The following LDB2 variants were observed in gnomAD, a reference collection of about 807,000 sequenced individuals.
LDB2 encodes LIM domain binding 2, also known as LIM domain-binding protein 2.
LDB2 carries 12 observed loss-of-function variants against 44.3 expected under a neutral mutation model. That is an observed-to-expected ratio of 0.27 (90% CI 0.17 to 0.44). The LOEUF is 0.44. Among genes scored for constraint, LDB2 ranks in the 20% least tolerant of loss-of-function variants. The probability of loss-of-function intolerance (pLI) is 1.00; values close to 1 mark genes in which losing one functional copy is unlikely to be tolerated. For synonymous variants in LDB2, 164 were observed against 174.8 expected, an observed-to-expected ratio of 0.94 and a Z score of 0.49; for missense variants, 344 against 473.5, an observed-to-expected ratio of 0.73 and a Z score of 2.54.
At chr4:16,722,431 A>T (rs1276823842) in intron 2 of LDB2, among the ~76,000 whole-genome samples, 3 of 152,076 alleles carry the variant, frequency 2.0e-5, no homozygotes, top group African/African-American at 7.2e-5. Flanking sequence ...ACCTCTCAGG[A>T]CCCTTTAGCT....
At chr4:16,886,069 A>C (rs1269292895) in intron 1 of LDB2, among the ~76,000 whole-genome samples, 1 of 151,854 alleles carries the variant, frequency 6.6e-6, no homozygotes, top group East Asian at 1.9e-4. Context: ...TTTTTTTTAA[A>C]TTAGTCTAGT....
intron 5 of LDB2, among the ~76,000 whole-genome samples, chr4:16,535,949 A>C (rs114355386): frequency 0.01 from 1,564 of 152,318 alleles, 25 homozygotes; most frequent in African/African-American, 0.036. Context: ...CTGTGCTGCT[A>C]TCCTTTGTGA....
At chr4:16,552,416 G>A (rs1737998777) in intron 5 of LDB2, among the ~76,000 whole-genome samples, 1 of 151,974 alleles carries the variant, frequency 6.6e-6, no homozygotes, top group African/African-American at 2.4e-5. Context: ...AAATATCCAG[G>A]TTTTTCTCTT....
intron 2 of LDB2, among the ~76,000 whole-genome samples, chr4:16,755,222 T>G (rs937181967): frequency 1.3e-5 from 2 of 152,132 alleles, no homozygotes; most frequent in Non-Finnish European, 2.9e-5. Flanking sequence ...AAATTAATAT[T>G]GTGCTTGAAA....
intron 2 of LDB2, among the ~76,000 whole-genome samples, chr4:16,620,674 G>A (rs961266022): frequency 2.0e-5 from 3 of 152,194 alleles, no homozygotes; most frequent in African/African-American, 7.2e-5. Context: ...ACTTGGGCAT[G>A]TGTAGCCAGC....
intron 2 of LDB2, among the ~76,000 whole-genome samples, chr4:16,672,647 A>C (rs1043027798): frequency 6.6e-6 from 1 of 152,224 alleles, no homozygotes; most frequent in Non-Finnish European, 1.5e-5. Context: ...GGCAAAAAAG[A>C]GCCAAACTAC....
At chr4:16,511,816 G>GTCACAA (rs1197231973) in intron 6 of LDB2, 165 bp downstream of exon 6, 1 of 728,226 alleles carries the variant, frequency 1.4e-6, no homozygotes, top group East Asian at 2.7e-5. Context: ...ATGTTTGCCT[G>GTCACAA]TCACAAATTC....
At chr4:16,761,973 C>T (rs2109242067) in intron 1 of LDB2, among the ~76,000 whole-genome samples, 2 of 152,170 alleles carry the variant, frequency 1.3e-5, no homozygotes, top group South Asian at 4.2e-4. Flanking sequence ...GTGAAACCCA[C>T]ACTCTGCTAA....
At chr4:16,814,928 T>C (rs543961088) in intron 1 of LDB2, among the ~76,000 whole-genome samples, 3 of 152,310 alleles carry the variant, frequency 2.0e-5, no homozygotes, top group Admixed American at 6.5e-5. Flanking sequence ...AAAACATTAG[T>C]GCTCCATTCA....
At chr4:16,840,779 T>C (rs982745741) in intron 1 of LDB2, among the ~76,000 whole-genome samples, 1 of 152,156 alleles carries the variant, frequency 6.6e-6, no homozygotes, top group African/African-American at 2.4e-5. Context: ...ACACCAAGTG[T>C]CCAGAAAACT....
At chr4:16,724,855 T>A (rs1217331723) in intron 2 of LDB2, among the ~76,000 whole-genome samples, 1 of 152,154 alleles carries the variant, frequency 6.6e-6, no homozygotes, top group Non-Finnish European at 1.5e-5. Flanking sequence ...TAGGAGGTAC[T>A]CCCCAGTGCA....
At chr4:16,666,233 G>A (rs1027619625) in intron 2 of LDB2, among the ~76,000 whole-genome samples, 1 of 152,234 alleles carries the variant, frequency 6.6e-6, no homozygotes, top group Non-Finnish European at 1.5e-5. Flanking sequence ...TCGCACTGCT[G>A]TGCAGGTTAC....
At chr4:16,672,290 T>G (rs192906101) in intron 2 of LDB2, among the ~76,000 whole-genome samples, 8 of 152,190 alleles carry the variant, frequency 5.3e-5, no homozygotes, top group Non-Finnish European at 1.2e-4. Flanking sequence ...CCTGCAAGTC[T>G]AACCCCTAAC....
rs60219749 is a variant in LDB2, at chr4:16,586,515, CACACACACACAAA to C, written c.532-523_532-511del. On this transcript the variant is annotated intron_variant, in intron 4 of 7. Coordinates refer to ENST00000304523, the MANE Select transcript of LDB2 (RefSeq NM_001290.5). Reference sequence around the variant, plus strand: ...ACACACACACACACACACACACACACACACACACACAAAACACACACACACACACACACACATA... The same window carrying C: ...ACACACACACACACACACACACACACACACACACACACACACACACACATA... 4.4e-3 allele frequency among the ~76,000 whole-genome samples: 368 copies of C among 84,052 alleles called. 1 individual carries two copies. Among genetic ancestry groups the C allele is most frequent in the East Asian group, 0.015 (38 of 2,452 alleles). The allele number at this position is 84,052 out of a possible 152,430, so 55.1% of individuals were successfully genotyped here.
chr4:16,838,854 A>G (rs1367816723), intron 1 of LDB2, among the ~76,000 whole-genome samples: 1 of 152,248 alleles, frequency 6.6e-6, no homozygotes, highest in Non-Finnish European at 1.5e-5. Context: ...TCTAAAATGC[A>G]CAATAGGCAT....
At chr4:16,521,527 C>G (rs1316139181) in intron 5 of LDB2, among the ~76,000 whole-genome samples, 1 of 152,160 alleles carries the variant, frequency 6.6e-6, no homozygotes, top group African/African-American at 2.4e-5. Context: ...AGGTCACATT[C>G]TAAGTTTCCA....
At chr4:16,889,842 A>G (rs35946935) in intron 1 of LDB2, among the ~76,000 whole-genome samples, 39,062 of 152,112 alleles carry the variant, frequency 0.26, 5,551 homozygotes, top group Non-Finnish European at 0.32. Context: ...AAGGCATGTG[A>G]TAGAAAGTGA....
chr4:16,844,730 G>A (rs1231436164), intron 1 of LDB2, among the ~76,000 whole-genome samples: 1 of 152,116 alleles, frequency 6.6e-6, no homozygotes, highest in Non-Finnish European at 1.5e-5. Flanking sequence ...GGTTTCGAGT[G>A]CTACTTCCCT....
chr4:16,551,995 T>C (rs562185047), intron 5 of LDB2, among the ~76,000 whole-genome samples: 6 of 152,312 alleles, frequency 3.9e-5, no homozygotes, highest in South Asian at 2.1e-4. Flanking sequence ...ATTCATTCAT[T>C]CTTCCAACTA....
Sources: allele counts gnomAD v4.1 joint callset (sites outside exome capture counted in the v4.1 genomes callset), GRCh38; gene constraint gnomAD v4.1.1; transcripts MANE v1.5; gene names NCBI Gene and HGNC (gene_info 2026-07-23, HGNC 2026-07-21).